Variants in DCLK1 observed in about 807,000 individuals in gnomAD.
The protein encoded by DCLK1 is serine/threonine-protein kinase DCLK1.
DCLK1 carries 16 observed loss-of-function variants against 86.2 expected under a neutral mutation model. That is an observed-to-expected ratio of 0.19 (90% CI 0.13 to 0.28). The LOEUF is 0.28. Ranked by LOEUF, DCLK1 falls within the 10% of genes least tolerant of loss-of-function variation. DCLK1 has a pLI of 1.00. For synonymous variants in DCLK1, 369 were observed against 370.5 expected, an observed-to-expected ratio of 1.00 and a Z score of 0.05; for missense variants, 590 against 940.2, an observed-to-expected ratio of 0.63 and a Z score of 4.87.
intron 3 of DCLK1, among the ~76,000 whole-genome samples, chr13:36,094,565 C>G (rs1402698966): frequency 6.6e-6 from 1 of 152,182 alleles, no homozygotes; most frequent in Non-Finnish European, 1.5e-5. Context: ...GCTGTAAAAT[C>G]AATTCCTTTT....
chr13:35,880,717 G>A (rs1240939058), intron 4 of DCLK1, among the ~76,000 whole-genome samples: 2 of 152,122 alleles, frequency 1.3e-5, no homozygotes, highest in East Asian at 3.9e-4. Context: ...GTCCCAGAAG[G>A]CATCTGTTTT....
intron 4 of DCLK1, among the ~76,000 whole-genome samples, chr13:35,909,135 T>C (rs1289974026): frequency 6.6e-6 from 1 of 152,196 alleles, no homozygotes; most frequent in Non-Finnish European, 1.5e-5. Flanking sequence ...ACATGTATTT[T>C]CAATAGCACC....
chr13:35,799,226 G>A (rs977020603), intron 15 of DCLK1, among the ~76,000 whole-genome samples: 1 of 145,580 alleles, frequency 6.9e-6, no homozygotes, highest in Non-Finnish European at 1.5e-5. Flanking sequence ...AGGCTCCAGT[G>A]GGCTTCAGGC....
chr13:35,969,383 T>A (rs891665875), intron 3 of DCLK1, among the ~76,000 whole-genome samples: 2 of 152,006 alleles, frequency 1.3e-5, no homozygotes, highest in African/African-American at 4.8e-5. Flanking sequence ...GAGAAAGCCA[T>A]GTGAACATGG....
chr13:35,824,598 T>C (rs1389565520), intron 10 of DCLK1, among the ~76,000 whole-genome samples: 1 of 152,112 alleles, frequency 6.6e-6, no homozygotes, highest in African/African-American at 2.4e-5. Flanking sequence ...TGTTGCCTCA[T>C]CCCTGGGTTG....
At chr13:35,931,746 T>C (rs1876443876) in intron 4 of DCLK1, among the ~76,000 whole-genome samples, 1 of 152,204 alleles carries the variant, frequency 6.6e-6, no homozygotes. Flanking sequence ...GCTATAGTCC[T>C]CAGCATCTGA....
intron 3 of DCLK1, among the ~76,000 whole-genome samples, chr13:36,106,089 G>A (rs1181299511): frequency 6.6e-6 from 1 of 152,164 alleles, no homozygotes; most frequent in African/African-American, 2.4e-5. Context: ...TCATTTTACA[G>A]CGAGCTAGAA....
rs2153096759 is a variant in DCLK1, at chr13:35,774,117, A to T, written c.*418T>A. The T allele has an allele frequency of 1.3e-5, 2 of 158,524 alleles. 1 individual carries two copies. The highest frequency in any genetic ancestry group is 3.6e-4 in the East Asian group (2 of 5,482). 9.8% of individuals were successfully genotyped at this position (158,524 alleles called of 1,614,324 possible). On this transcript the variant is annotated 3_prime_UTR_variant, in exon 17 of 17. Transcript: ENST00000360631. The stretch of plus-strand genomic sequence containing the variant: ...TTTCAGCATCTAACAACACCCCTTG[A>T]TCTGCAGTAAAATCAAGAAACATGT...
chr13:35,828,456 A>C (rs1216301439), intron 8 of DCLK1, 149 bp from the exon 9 acceptor site: 2 of 673,286 alleles, frequency 3.0e-6, no homozygotes, highest in African/African-American at 1.8e-5. Flanking sequence ...TTAAAAAAAA[A>C]CAAATAAATA....
rs569719478 is a variant in DCLK1, at chr13:35,953,335, C to T, written c.724-5878G>A. Reference sequence around the variant, plus strand: ...GCTGTAGGAAAATGAGTCTATCATGCACCCTCACATTTGCATATTATAAAT... The same window carrying T: ...GCTGTAGGAAAATGAGTCTATCATGTACCCTCACATTTGCATATTATAAAT... On this transcript the variant is annotated intron_variant, in intron 3 of 16. Coordinates refer to ENST00000360631, the MANE Select transcript of DCLK1 (RefSeq NM_001330071.2). Among the ~76,000 whole-genome samples the T allele has an allele frequency of 3.0e-3, 457 of 152,174 alleles. 2 individuals are homozygous for T. Among genetic ancestry groups the T allele is most frequent in the Non-Finnish European group, 5.0e-3 (341 of 68,000 alleles).
chr13:35,835,982 A>C lies in DCLK1; in HGVS notation c.1229+51T>G, dbSNP rs1488988580. The C allele has an allele frequency of 2.3e-6, 3 of 1,328,674 alleles. No individual in the cohort carries two copies. The African/African-American group carries it at 4.4e-5, about 19-fold the overall frequency. 82.3% of individuals were successfully genotyped at this position (1,328,674 alleles called of 1,614,324 possible). On this transcript the variant is annotated intron_variant, in intron 8 of 16. Coordinates refer to ENST00000360631, the MANE Select transcript of DCLK1 (RefSeq NM_001330071.2). The stretch of plus-strand genomic sequence containing the variant: ...AAATAGAGACACAATCTTGGAAAAC[A>C]TAACGCCAAATGTAACCTTTAAGGT...
At chr13:35,843,368 C>A (rs1190984531) in intron 6 of DCLK1, among the ~76,000 whole-genome samples, 1 of 152,164 alleles carries the variant, frequency 6.6e-6, no homozygotes, top group Non-Finnish European at 1.5e-5. Context: ...TTTTATGGCA[C>A]ACCTTCATAA....
intron 4 of DCLK1, among the ~76,000 whole-genome samples, chr13:35,884,391 G>C (rs780681925): frequency 9.2e-5 from 14 of 152,242 alleles, no homozygotes; most frequent in Non-Finnish European, 1.5e-4. Context: ...CATATATATT[G>C]TCAGCTCATG....
intron 4 of DCLK1, among the ~76,000 whole-genome samples, chr13:35,929,970 T>C (rs2153128686): frequency 6.6e-6 from 1 of 152,166 alleles, no homozygotes; most frequent in South Asian, 2.1e-4. Context: ...ATCAGTATCT[T>C]ATTATATTTT....
rs1555343219 is a variant in DCLK1 at position 35,838,072 on chromosome 13, A to AAAAAAAAAAAAAAAAAG, written c.1120+1019_1120+1020insCTTTTTTTTTTTTTTTT. Among the ~76,000 whole-genome samples, 9 of 149,826 alleles carry AAAAAAAAAAAAAAAAAG rather than the reference A, an allele frequency of 6.0e-5. 1 individual carries two copies. The highest frequency in any genetic ancestry group is 2.3e-4 in the African/African-American group (9 of 39,706). On this transcript the variant is annotated intron_variant, in intron 7 of 16. Coordinates refer to ENST00000360631, the MANE Select transcript of DCLK1 (RefSeq NM_001330071.2). ...CAGAGCGAGACTCCATCTCAAAAAA[A>AAAAAAAAAAAAAAAAAG]AAAAGAAAAGAAAAGAAAAGAAAAA...
intron 15 of DCLK1, among the ~76,000 whole-genome samples, chr13:35,799,477 C>T (rs913105782): frequency 2.0e-5 from 3 of 152,092 alleles, no homozygotes; most frequent in Admixed American, 1.3e-4. Context: ...TCTTGAACTC[C>T]CGACCTCAGG....
chr13:36,117,389 TG>T (rs1300607715), intron 2 of DCLK1, among the ~76,000 whole-genome samples: 1 of 152,186 alleles, frequency 6.6e-6, no homozygotes, highest in Non-Finnish European at 1.5e-5. Flanking sequence ...GATGTACTCT[TG>T]TACCTATTAT....
chr13:35,887,580 A>C (rs61949294), intron 4 of DCLK1, among the ~76,000 whole-genome samples: 32,406 of 152,052 alleles, frequency 0.21, 4,262 homozygotes, highest in Middle Eastern at 0.31. Context: ...AAGAAACGGG[A>C]ATTTGGGAAA....
intron 3 of DCLK1, among the ~76,000 whole-genome samples, chr13:36,082,202 C>T (rs1230770704): frequency 2.0e-5 from 3 of 152,124 alleles, no homozygotes; most frequent in Admixed American, 6.5e-5. Context: ...AAGACCAACA[C>T]CTCCTCTTCC....
Sources: allele counts gnomAD v4.1 joint callset (sites outside exome capture counted in the v4.1 genomes callset), GRCh38; gene constraint gnomAD v4.1.1; transcripts MANE v1.5; gene names NCBI Gene and HGNC (gene_info 2026-07-23, HGNC 2026-07-21).